CRPPA: variants seen among roughly 807,000 people sequenced by gnomAD.
CRPPA encodes CDP-L-ribitol pyrophosphorylase A, also known as D-ribitol-5-phosphate cytidylyltransferase.
In CRPPA, 43 loss-of-function variants were observed where a neutral mutation model predicts 52.0. The observed-to-expected ratio is 0.83, with a 90% CI of 0.65 to 1.07. CRPPA has a LOEUF of 1.07. Ranked by LOEUF, CRPPA falls within the 50% of genes least tolerant of loss-of-function variation. The pLI is 0.00. For missense variants in CRPPA, 629 were observed against 551.7 expected, an observed-to-expected ratio of 1.14 and a Z score of -1.40; for synonymous variants, 250 against 203.5, an observed-to-expected ratio of 1.23 and a Z score of -1.94.
chr7:16,286,101 T>TATATATATATATATATATAG lies in CRPPA; in HGVS notation c.836-7876_836-7875insCTATATATATATATATATAT, dbSNP rs1208409443. Among the ~76,000 whole-genome samples the TATATATATATATATATATAG allele has an allele frequency of 3.6e-4, 25 of 68,826 alleles. 1 individual carries two copies. Among genetic ancestry groups the TATATATATATATATATATAG allele is most frequent in the Middle Eastern group, 9.1e-3 (1 of 110 alleles). The allele number at this position is 68,826 out of a possible 152,430, so 45.2% of individuals were successfully genotyped here. On this transcript the variant is annotated intron_variant, in intron 5 of 9. Coordinates refer to ENST00000407010, the MANE Select transcript of CRPPA (RefSeq NM_001101426.4). ...TATATAATATTTAAAAAAAAAAATATATATATATATATATATGCCAAAAAG... is the reference window on the plus strand; with the variant it reads ...TATATAATATTTAAAAAAAAAAATATATATATATATATATATATAGATATATATATATATATGCCAAAAAG...
At chr7:16,191,637 G>A (rs1781612931) in intron 9 of CRPPA, among the ~76,000 whole-genome samples, 1 of 152,146 alleles carries the variant, frequency 6.6e-6, no homozygotes, top group Non-Finnish European at 1.5e-5. Flanking sequence ...CAGAGTACTA[G>A]TCTTAGCTAT....
chr7:16,256,773 G>A (rs1009795301), intron 8 of CRPPA, among the ~76,000 whole-genome samples: 1 of 152,048 alleles, frequency 6.6e-6, no homozygotes, highest in Non-Finnish European at 1.5e-5. Flanking sequence ...GGGAGTGGGG[G>A]GCTGGGAGAG....
chr7:16,375,577 A>G (rs908459363), intron 3 of CRPPA, among the ~76,000 whole-genome samples: 7 of 152,184 alleles, frequency 4.6e-5, no homozygotes, highest in Non-Finnish European at 1.0e-4. Context: ...TCTTAAAAAG[A>G]CTGGCTTATA....
chr7:16,395,098 G>A (rs1343350148), intron 2 of CRPPA, among the ~76,000 whole-genome samples: 1 of 152,124 alleles, frequency 6.6e-6, no homozygotes, highest in Admixed American at 6.6e-5. Flanking sequence ...TGTTGTAGGA[G>A]GCATCATTCC....
At chr7:16,394,173 T>G (rs1371153770) in intron 2 of CRPPA, among the ~76,000 whole-genome samples, 1 of 152,080 alleles carries the variant, frequency 6.6e-6, no homozygotes, top group Non-Finnish European at 1.5e-5. Context: ...TCCTTGCACA[T>G]GGGCACAAGA....
At chr7:16,399,436 G>A (rs867361282) in intron 2 of CRPPA, among the ~76,000 whole-genome samples, 2 of 151,800 alleles carry the variant, frequency 1.3e-5, no homozygotes, top group African/African-American at 4.8e-5. Context: ...TGACAAGATT[G>A]GCACATGTCC....
At chr7:16,170,729 G>C (rs1169656731) in intron 9 of CRPPA, among the ~76,000 whole-genome samples, 2 of 152,196 alleles carry the variant, frequency 1.3e-5, no homozygotes, top group Non-Finnish European at 2.9e-5. Flanking sequence ...TGCCCTGCAG[G>C]GAGGCAGCTG....
intron 5 of CRPPA, among the ~76,000 whole-genome samples, chr7:16,293,915 G>C (rs1247733060): frequency 6.6e-6 from 1 of 151,888 alleles, no homozygotes; most frequent in African/African-American, 2.4e-5. Flanking sequence ...GTATAGTCAA[G>C]CATATGACTG....
At chr7:16,402,969 C>G (rs1248952919) in intron 2 of CRPPA, among the ~76,000 whole-genome samples, 1 of 152,084 alleles carries the variant, frequency 6.6e-6, no homozygotes, top group Non-Finnish European at 1.5e-5. Context: ...AAAGTCTATA[C>G]AGACACATCA....
chr7:16,254,811 AAGAAAG>A (rs1562588673), intron 8 of CRPPA, among the ~76,000 whole-genome samples: 1 of 146,762 alleles, frequency 6.8e-6, no homozygotes, highest in Non-Finnish European at 1.5e-5. Context: ...GAAAGAAAGA[AAGAAAG>A]AAAGAAAGAA....
intron 9 of CRPPA, among the ~76,000 whole-genome samples, chr7:16,113,008 A>C (rs1038627832): frequency 3.3e-5 from 5 of 152,084 alleles, no homozygotes; most frequent in East Asian, 1.9e-4. Context: ...TAGAATTTTC[A>C]GGCACAAAAT....
At chr7:16,235,131 T>A (rs562554143) in intron 8 of CRPPA, among the ~76,000 whole-genome samples, 5 of 152,166 alleles carry the variant, frequency 3.3e-5, no homozygotes, top group Admixed American at 2.0e-4. Context: ...TTGGTAAATT[T>A]ATACTAGCAA....
At chr7:16,396,931 G>GA (rs538251475) in intron 2 of CRPPA, among the ~76,000 whole-genome samples, 1 of 152,204 alleles carries the variant, frequency 6.6e-6, no homozygotes, top group African/African-American at 2.4e-5. Flanking sequence ...CATGTGTAAT[G>GA]AAAAAACAAC....
At chr7:16,408,469 C>T (rs1788006841) in intron 1 of CRPPA, among the ~76,000 whole-genome samples, 2 of 152,148 alleles carry the variant, frequency 1.3e-5, no homozygotes, top group African/African-American at 4.8e-5. Flanking sequence ...GGAGAAGGCC[C>T]CATGCAGAGC....
intron 1 of CRPPA, among the ~76,000 whole-genome samples, chr7:16,411,854 C>G (rs959280239): frequency 6.6e-6 from 1 of 152,076 alleles, no homozygotes; most frequent in Non-Finnish European, 1.5e-5. Flanking sequence ...GTCCTCTAAA[C>G]TATTCACCTG....
intron 2 of CRPPA, among the ~76,000 whole-genome samples, chr7:16,385,892 A>G (rs1312870063): frequency 6.6e-6 from 1 of 152,142 alleles, no homozygotes; most frequent in Non-Finnish European, 1.5e-5. Flanking sequence ...AGCCAGAGCG[A>G]GCGCTTTTGG....
chr7:16,351,976 CAGCACTATTTACAAT>C (rs1334158424), intron 3 of CRPPA, among the ~76,000 whole-genome samples: 1 of 152,076 alleles, frequency 6.6e-6, no homozygotes, highest in Non-Finnish European at 1.5e-5. Context: ...ATGTTTATTG[CAGCACTATTTACAAT>C]AGCAGAGACT....
intron 9 of CRPPA, among the ~76,000 whole-genome samples, chr7:16,194,748 G>A (rs1781693045): frequency 6.6e-6 from 1 of 152,046 alleles, no homozygotes; most frequent in Non-Finnish European, 1.5e-5. Context: ...AGACCAAACT[G>A]AATGATAGAG....
intron 9 of CRPPA, among the ~76,000 whole-genome samples, chr7:16,187,217 T>A: frequency 6.6e-6 from 1 of 152,166 alleles, no homozygotes; most frequent in East Asian, 1.9e-4. Context: ...CTTAGGCCCA[T>A]TAAGCATATG....
Sources: gnomAD v4.1 joint callset for allele counts (sites outside exome capture counted in the v4.1 genomes callset) on GRCh38, gnomAD v4.1.1 for gene constraint, MANE v1.5 for transcripts, NCBI Gene and HGNC (gene_info 2026-07-23, HGNC 2026-07-21) for gene names.